The following OCA2 variants were observed in gnomAD, a reference collection of about 807,000 sequenced individuals.
OCA2 encodes the protein OCA2 melanosomal transmembrane protein, also known as P protein.
Under a neutral mutation model 100.2 loss-of-function variants are expected in OCA2, and 77 were observed. The ratio of observed to expected loss-of-function variants is 0.77; its 90% CI spans 0.64 to 0.93. The LOEUF is 0.93. Among genes scored for constraint, OCA2 ranks in the 40% least tolerant of loss-of-function variants. The pLI, the probability that OCA2 is intolerant of heterozygous loss-of-function variation, is 0.00. For synonymous variants in OCA2, 432 were observed against 439.2 expected, an observed-to-expected ratio of 0.98 and a Z score of 0.21; for missense variants, 1,062 against 1,089.1, an observed-to-expected ratio of 0.98 and a Z score of 0.35.
rs144930818 is a variant in OCA2 at position 28,017,775 on chromosome 15, T to G, written c.807+622A>C. On this transcript the variant is annotated intron_variant, in intron 7 of 23. Transcript: ENST00000354638. ...ACATCCATGAACCAGGGCTACGACT[T>G]CCATGCAGAAGTCACCGTGATAATC... 9.7e-3 allele frequency among the ~76,000 whole-genome samples: 1,478 copies of G among 152,036 alleles called. 32 individuals carry two copies. The highest frequency in any genetic ancestry group is 0.03 in the African/African-American group (1,236 of 41,352).
chr15:27,799,606 G>A (rs11074307), intron 23 of OCA2, among the ~76,000 whole-genome samples: 51,069 of 151,950 alleles, frequency 0.34, 10,028 homozygotes, highest in South Asian at 0.56. Context: ...TTAGCTGGGC[G>A]TGGTGGTGCA....
chr15:27,910,905 G>C (rs148552579), intron 19 of OCA2, among the ~76,000 whole-genome samples: 2 of 151,574 alleles, frequency 1.3e-5, no homozygotes, highest in Non-Finnish European at 2.9e-5. Flanking sequence ...GCAGTGAGCC[G>C]AGATCATGCC....
chr15:27,952,038 T>C (rs2040049051), intron 17 of OCA2, 146 bp from the exon 18 acceptor site: 2 of 716,416 alleles, frequency 2.8e-6, no homozygotes, highest in Admixed American at 2.0e-5. Context: ...GGCAAAGTAC[T>C]GTGTTACAAG....
intron 23 of OCA2, among the ~76,000 whole-genome samples, chr15:27,820,861 C>A (rs1380662417): frequency 2.6e-5 from 4 of 152,032 alleles, no homozygotes; most frequent in Non-Finnish European, 4.4e-5. Context: ...GGCAATTTGC[C>A]TTTGGGATTA....
chr15:27,746,289 C>G, the OCA2 span, among the ~76,000 whole-genome samples: 1 of 152,078 alleles, frequency 6.6e-6, no homozygotes. Flanking sequence ...AACCCCATCT[C>G]TACTAAAAAT....
intron 23 of OCA2, among the ~76,000 whole-genome samples, chr15:27,777,732 C>A (rs930102956): frequency 1.3e-5 from 2 of 152,194 alleles, no homozygotes; most frequent in African/African-American, 4.8e-5. Context: ...AAGCCATGAG[C>A]TGGCCCAGGG....
At chr15:27,986,916 C>A (rs982138114) in intron 11 of OCA2, among the ~76,000 whole-genome samples, 3 of 152,058 alleles carry the variant, frequency 2.0e-5, no homozygotes, top group African/African-American at 4.8e-5. Context: ...TCCTCACACA[C>A]AAAAAAATCA....
chr15:28,024,459 T>G (rs970050386), intron 5 of OCA2, among the ~76,000 whole-genome samples: 5 of 152,236 alleles, frequency 3.3e-5, no homozygotes, highest in African/African-American at 1.2e-4. Flanking sequence ...AAAGGGGTGC[T>G]GAGACACTCT....
At chr15:28,084,710 G>A (rs867414242) in intron 1 of OCA2, among the ~76,000 whole-genome samples, 9 of 152,162 alleles carry the variant, frequency 5.9e-5, no homozygotes, top group Non-Finnish European at 1.2e-4. Context: ...CCTCGTGGCT[G>A]CATGACTCAG....
chr15:27,824,048 G>A (rs1301091711), intron 23 of OCA2, among the ~76,000 whole-genome samples: 1 of 152,156 alleles, frequency 6.6e-6, no homozygotes, highest in Admixed American at 6.5e-5. Flanking sequence ...TAAAATATTT[G>A]TTAACTTTAA....
intron 18 of OCA2, among the ~76,000 whole-genome samples, chr15:27,939,365 T>A (rs1281693706): frequency 6.6e-6 from 1 of 152,250 alleles, no homozygotes; most frequent in Non-Finnish European, 1.5e-5. Flanking sequence ...GTACTCAATT[T>A]CTGGTACCCT....
intron 21 of OCA2, among the ~76,000 whole-genome samples, chr15:27,861,986 G>C (rs1314527634): frequency 6.6e-6 from 1 of 152,244 alleles, no homozygotes; most frequent in Admixed American, 6.5e-5. Context: ...GATGCACTGG[G>C]TGGCCACGGC....
At chr15:27,880,255 C>G (rs1034679688) in intron 19 of OCA2, among the ~76,000 whole-genome samples, 10 of 152,116 alleles carry the variant, frequency 6.6e-5, no homozygotes, top group Non-Finnish European at 1.5e-4. Context: ...GTTACTGTAG[C>G]CTGGTGGTAT....
intron 23 of OCA2, among the ~76,000 whole-genome samples, chr15:27,831,002 G>A (rs372405361): frequency 1.2e-3 from 184 of 152,214 alleles, no homozygotes; most frequent in African/African-American, 4.3e-3. Context: ...ATATAAAAAT[G>A]CAATAAAATG....
At chr15:27,895,873 C>G (rs1477398570) in intron 19 of OCA2, 4 of 567,902 alleles carry the variant, frequency 7.0e-6, no homozygotes, top group Non-Finnish European at 1.3e-5. Flanking sequence ...GTGTAACACA[C>G]AGAGATATTA....
intron 1 of OCA2, among the ~76,000 whole-genome samples, chr15:28,094,683 C>A (rs996195132): frequency 2.0e-5 from 3 of 152,252 alleles, no homozygotes; most frequent in African/African-American, 7.2e-5. Flanking sequence ...TTTCTGCCTG[C>A]AACCGTGCCC....
chr15:27,940,986 T>G (rs183542200), intron 18 of OCA2, among the ~76,000 whole-genome samples: 2 of 152,196 alleles, frequency 1.3e-5, no homozygotes, highest in African/African-American at 4.8e-5. Flanking sequence ...AACCTAACTC[T>G]TCTTAGCATT....
At chr15:27,743,135 G>A in the OCA2 span, among the ~76,000 whole-genome samples, 3 of 152,154 alleles carry the variant, frequency 2.0e-5, no homozygotes, top group Non-Finnish European at 4.4e-5. Context: ...GGAGAACCCT[G>A]GTACCCTGGC....
intron 2 of OCA2, among the ~76,000 whole-genome samples, chr15:28,040,072 A>T (rs1166397829): frequency 7.2e-5 from 11 of 152,066 alleles, no homozygotes; most frequent in African/African-American, 2.7e-4. Flanking sequence ...AACACTTCAA[A>T]CACACAAAGA....
Sources: allele counts gnomAD v4.1 joint callset (sites outside exome capture counted in the v4.1 genomes callset), GRCh38; gene constraint gnomAD v4.1.1; transcripts MANE v1.5; gene names NCBI Gene and HGNC (gene_info 2026-07-23, HGNC 2026-07-21).